BABAM2: variants seen among roughly 807,000 people sequenced by gnomAD.
The protein encoded by BABAM2 is BRISC and BRCA1-A complex member 2.
Under a neutral mutation model 54.7 loss-of-function variants are expected in BABAM2, and 31 were observed. The observed-to-expected ratio is 0.57, with a 90% CI of 0.43 to 0.77. BABAM2 has a LOEUF of 0.77. Among genes scored for constraint, BABAM2 ranks in the 30% least tolerant of loss-of-function variants. BABAM2 has a pLI of 0.00. For synonymous variants in BABAM2, 167 were observed against 162.9 expected, an observed-to-expected ratio of 1.03 and a Z score of -0.19; for missense variants, 364 against 455.8, an observed-to-expected ratio of 0.80 and a Z score of 1.83.
intron 7 of BABAM2, among the ~76,000 whole-genome samples, chr2:28,189,009 T>A (rs1201764770): frequency 6.6e-6 from 1 of 152,190 alleles, no homozygotes; most frequent in Non-Finnish European, 1.5e-5. Flanking sequence ...GAGACCAGCC[T>A]GGCCAACATG....
intron 7 of BABAM2, among the ~76,000 whole-genome samples, chr2:28,141,187 A>T (rs1240860267): frequency 6.6e-6 from 1 of 152,162 alleles, no homozygotes; most frequent in Non-Finnish European, 1.5e-5. Context: ...GGTTCATAAC[A>T]TACACATATA....
intron 5 of BABAM2, among the ~76,000 whole-genome samples, chr2:28,039,884 A>G (rs1209797465): frequency 6.6e-6 from 1 of 152,210 alleles, no homozygotes. Context: ...GTTGGCAGAA[A>G]GGCTGACATT....
At chr2:28,308,268 G>C (rs984452351) in intron 11 of BABAM2, 1 of 401,484 alleles carries the variant, frequency 2.5e-6, no homozygotes, top group African/African-American at 2.1e-5. Flanking sequence ...GCCACAAAAA[G>C]AAGATCCAAT....
At chr2:28,289,815 A>G (rs893368612) in intron 10 of BABAM2, among the ~76,000 whole-genome samples, 10 of 152,032 alleles carry the variant, frequency 6.6e-5, no homozygotes, top group Admixed American at 3.3e-4. Flanking sequence ...AAGGAAAGGA[A>G]AGGAGAAAGG....
At chr2:28,243,844 C>T (rs542187621) in intron 9 of BABAM2, among the ~76,000 whole-genome samples, 2 of 152,306 alleles carry the variant, frequency 1.3e-5, no homozygotes, top group South Asian at 2.1e-4. Flanking sequence ...AGGGGTATAA[C>T]TGTTCCTTCC....
chr2:28,292,790 T>C (rs1208741461), intron 10 of BABAM2, among the ~76,000 whole-genome samples: 1 of 152,184 alleles, frequency 6.6e-6, no homozygotes, highest in South Asian at 2.1e-4. Flanking sequence ...CAGGACTGAG[T>C]CACATTTCCA....
In BABAM2 at chr2:28,322,387, A is replaced by G. The variant is rs1690093825; in HGVS notation, c.1089-16063A>G. Reference sequence around the variant, plus strand: ...AGATTGCTTCATTCCAGAGAGCAGAACTGGGATCCATGGGCAGAAGTTTCA... The same window carrying G: ...AGATTGCTTCATTCCAGAGAGCAGAGCTGGGATCCATGGGCAGAAGTTTCA... On this transcript the variant is annotated intron_variant, in intron 11 of 11. Transcript: ENST00000379624. This position sits in a 1 kb window ranked among gnomAD's most constrained non-coding sequence, Gnocchi z 4.1. Among the ~76,000 whole-genome samples the G allele has an allele frequency of 6.6e-6, 1 of 152,226 alleles. No homozygotes were observed. The highest frequency in any genetic ancestry group is 2.4e-5 in the African/African-American group (1 of 41,458).
intron 7 of BABAM2, among the ~76,000 whole-genome samples, chr2:28,216,431 T>C (rs2148001512): frequency 6.6e-6 from 1 of 152,332 alleles, no homozygotes; most frequent in South Asian, 2.1e-4. Flanking sequence ...TTTTTGCAGG[T>C]ATTTTAGAGA....
intron 2 of BABAM2, among the ~76,000 whole-genome samples, chr2:27,906,005 T>G (rs922214111): frequency 3.9e-5 from 6 of 152,182 alleles, no homozygotes; most frequent in African/African-American, 1.4e-4. Flanking sequence ...GAACACTGAT[T>G]GTCTTGAGCG....
In BABAM2 at chr2:28,247,685, A is replaced by G. The variant is rs139375496; in HGVS notation, c.934+2823A>G. On this transcript the variant is annotated intron_variant, in intron 10 of 11. Transcript: ENST00000379624. ...AAGACCTAGCAGGACATGAAATAGC[A>G]TCTCTGTTCTCCCCTTCCTCCCTAT... Among the ~76,000 whole-genome samples, 1,042 of 152,272 alleles carry G rather than the reference A, an allele frequency of 6.8e-3. 13 individuals are homozygous for G. The highest frequency in any genetic ancestry group is 0.048 in the South Asian group (232 of 4,820).
At chr2:28,096,668 C>A (rs1006316600) in intron 6 of BABAM2, among the ~76,000 whole-genome samples, 1 of 152,018 alleles carries the variant, frequency 6.6e-6, no homozygotes, top group African/African-American at 2.4e-5. Flanking sequence ...GTTTTGTCAG[C>A]CATTCTCATA....
chr2:28,298,228 A>G (rs1327922283), intron 10 of BABAM2, 110 bp from the exon 11 acceptor site: 1 of 1,145,138 alleles, frequency 8.7e-7, no homozygotes. Flanking sequence ...TGCAAGCAGT[A>G]TTTGTGGTTC....
At chr2:27,895,860 A>AAG (rs1665257352) in intron 2 of BABAM2, among the ~76,000 whole-genome samples, 1 of 152,136 alleles carries the variant, frequency 6.6e-6, no homozygotes, top group Non-Finnish European at 1.5e-5. Flanking sequence ...TTATTTATTC[A>AAG]GTTATTTACT....
intron 8 of BABAM2, among the ~76,000 whole-genome samples, chr2:28,240,197 T>C (rs1026996725): frequency 1.3e-5 from 2 of 151,996 alleles, no homozygotes; most frequent in Non-Finnish European, 2.9e-5. Context: ...CTAAGCTCAA[T>C]GCAGCCTTGA....
intron 7 of BABAM2, among the ~76,000 whole-genome samples, chr2:28,199,245 T>C (rs1677985494): frequency 6.6e-6 from 1 of 152,186 alleles, no homozygotes; most frequent in Non-Finnish European, 1.5e-5. Context: ...TGAGTTGACA[T>C]CTTAGCCGAC....
intron 7 of BABAM2, among the ~76,000 whole-genome samples, chr2:28,141,381 CAAG>C (rs1671040769): frequency 6.6e-6 from 1 of 152,114 alleles, no homozygotes; most frequent in Non-Finnish European, 1.5e-5. Flanking sequence ...ATCATTTTTG[CAAG>C]AATTCTGTTG....
At chr2:27,920,566 C>T (rs1031040739) in intron 2 of BABAM2, among the ~76,000 whole-genome samples, 3 of 152,038 alleles carry the variant, frequency 2.0e-5, no homozygotes, top group African/African-American at 7.2e-5. Flanking sequence ...GGTTATTGAT[C>T]TTTGAGCATA....
rs376555802 is a variant in BABAM2, at chr2:28,006,161, C to T, written c.300+18074C>T. ...AGGGCCATTTGTCCTAGAAAATTAC[C>T]ACAGACTAGATTTTGCTGATTGTAT... On this transcript the variant is annotated intron_variant, in intron 4 of 11. Coordinates refer to ENST00000379624, the MANE Select transcript of BABAM2 (RefSeq NM_199191.3). Among the ~76,000 whole-genome samples the T allele has an allele frequency of 2.0e-5, 3 of 151,812 alleles. No individual in the cohort carries two copies. The East Asian group carries it at 5.8e-4, about 29-fold the overall frequency.
chr2:28,248,718 CTG>C (rs1437409622), intron 10 of BABAM2, among the ~76,000 whole-genome samples: 1 of 152,144 alleles, frequency 6.6e-6, no homozygotes, highest in Non-Finnish European at 1.5e-5. Flanking sequence ...AGATTTGTGA[CTG>C]TATGACAAGC....
Sources: gnomAD v4.1 joint callset for allele counts (sites outside exome capture counted in the v4.1 genomes callset) on GRCh38, gnomAD v4.1.1 for gene constraint, Gnocchi (gnomAD v3.1) non-coding constraint, MANE v1.5 for transcripts, NCBI Gene and HGNC (gene_info 2026-07-23, HGNC 2026-07-21) for gene names.